GLCE: variants seen among roughly 807,000 people sequenced by gnomAD.
GLCE encodes glucuronic acid epimerase, also known as D-glucuronyl C5-epimerase.
In GLCE, 19 loss-of-function variants were observed where a neutral mutation model predicts 47.9. The ratio of observed to expected loss-of-function variants is 0.40; its 90% CI spans 0.28 to 0.58. The LOEUF is 0.58. Among genes scored for constraint, GLCE ranks in the 20% least tolerant of loss-of-function variants. GLCE has a pLI of 0.48. For missense variants in GLCE, 556 were observed against 743.3 expected (o/e 0.75, Z 2.93); for synonymous variants, 245 against 263.4 (o/e 0.93, Z 0.68).
At chr15:69,254,252 TATAACTATCC>T (rs1291393966) in intron 2 of GLCE, among the ~76,000 whole-genome samples, 2 of 152,214 alleles carry the variant, frequency 1.3e-5, no homozygotes, top group African/African-American at 2.4e-5. Flanking sequence ...ACATTATATG[TATAACTATCC>T]ATAATTTCCC....
intron 1 of GLCE, among the ~76,000 whole-genome samples, chr15:69,168,311 C>T (rs2051535671): frequency 6.6e-6 from 1 of 151,996 alleles, no homozygotes; most frequent in Non-Finnish European, 1.5e-5. Context: ...AACATAAGAC[C>T]CTCCAGGATA....
chr15:69,216,720 T>C (rs1347128778), intron 2 of GLCE, among the ~76,000 whole-genome samples: 2 of 152,098 alleles, frequency 1.3e-5, no homozygotes, highest in Non-Finnish European at 2.9e-5. Flanking sequence ...TTTACTATAT[T>C]ACACAAAATA....
chr15:69,229,354 A>G (rs1295652726), intron 2 of GLCE, among the ~76,000 whole-genome samples: 1 of 152,222 alleles, frequency 6.6e-6, no homozygotes, highest in Non-Finnish European at 1.5e-5. Flanking sequence ...TGAGCCCACA[A>G]TGTTTCCAGG....
intron 2 of GLCE, among the ~76,000 whole-genome samples, chr15:69,245,782 G>A (rs930763418): frequency 6.6e-6 from 1 of 152,106 alleles, no homozygotes; most frequent in African/African-American, 2.4e-5. Flanking sequence ...AGGCTGGAGT[G>A]CAGGGGCACC....
At chr15:69,220,565 A>T (rs752329118) in intron 2 of GLCE, among the ~76,000 whole-genome samples, 12 of 152,054 alleles carry the variant, frequency 7.9e-5, no homozygotes, top group Non-Finnish European at 1.3e-4. Flanking sequence ...TTTCTTGGCC[A>T]ATTATGTGTA....
intron 2 of GLCE, among the ~76,000 whole-genome samples, chr15:69,244,502 C>G (rs2140423212): frequency 6.6e-6 from 1 of 152,168 alleles, no homozygotes; most frequent in South Asian, 2.1e-4. Flanking sequence ...GTCTAGTAAC[C>G]TGTTATAAGT....
chr15:69,174,550 C>T (rs1219485143), intron 1 of GLCE, among the ~76,000 whole-genome samples: 1 of 152,182 alleles, frequency 6.6e-6, no homozygotes, highest in Non-Finnish European at 1.5e-5. Flanking sequence ...GTAGAGGTTG[C>T]ATTGCGCTGA....
intron 1 of GLCE, among the ~76,000 whole-genome samples, chr15:69,208,476 A>G (rs948789427): frequency 6.6e-6 from 1 of 151,764 alleles, no homozygotes; most frequent in Non-Finnish European, 1.5e-5. Flanking sequence ...TGAACACTCT[A>G]TTCTTTTCCA....
intron 2 of GLCE, among the ~76,000 whole-genome samples, chr15:69,216,174 T>G (rs2052304766): frequency 1.3e-5 from 2 of 152,138 alleles, no homozygotes; most frequent in Admixed American, 1.3e-4. Flanking sequence ...TGAAAAAACA[T>G]GTAAAACAAG....
chr15:69,178,181 T>C (rs964615216), intron 1 of GLCE, among the ~76,000 whole-genome samples: 3 of 152,198 alleles, frequency 2.0e-5, no homozygotes, highest in African/African-American at 7.2e-5. Context: ...CATAAAGGGC[T>C]AATTTTCTTA....
chr15:69,253,580 A>G (rs1046136373), intron 2 of GLCE, among the ~76,000 whole-genome samples: 1 of 152,252 alleles, frequency 6.6e-6, no homozygotes, highest in African/African-American at 2.4e-5. Flanking sequence ...AGTAAAACTA[A>G]TAAGAAAGAA....
chr15:69,225,172 C>CTTTT (rs35793132), intron 2 of GLCE, among the ~76,000 whole-genome samples: 1 of 148,772 alleles, frequency 6.7e-6, no homozygotes, highest in Non-Finnish European at 1.5e-5. Context: ...TATTTTAAAG[C>CTTTT]TTTTTTTTTT....
At chr15:69,188,232 A>T (rs2051857845) in intron 1 of GLCE, among the ~76,000 whole-genome samples, 1 of 152,200 alleles carries the variant, frequency 6.6e-6, no homozygotes, top group South Asian at 2.1e-4. Flanking sequence ...ACTCCGTCTC[A>T]AAACAAAAAC....
At chr15:69,161,796 G>C (rs1456242244) in intron 1 of GLCE, among the ~76,000 whole-genome samples, 2 of 152,180 alleles carry the variant, frequency 1.3e-5, no homozygotes, top group Non-Finnish European at 2.9e-5. Context: ...CCGGGAGCTA[G>C]AGTGGCAGCA....
chr15:69,215,739 CAT>C (rs2052298282), intron 2 of GLCE, among the ~76,000 whole-genome samples: 1 of 152,164 alleles, frequency 6.6e-6, no homozygotes, highest in South Asian at 2.1e-4. Flanking sequence ...TGCTGTTCTG[CAT>C]CCTTGTCAGC....
intron 1 of GLCE, among the ~76,000 whole-genome samples, chr15:69,199,375 CA>C (rs1339610592): frequency 6.6e-6 from 1 of 151,990 alleles, no homozygotes; most frequent in East Asian, 1.9e-4. Context: ...CATGGATGAG[CA>C]TAAGGATATA....
intron 1 of GLCE, among the ~76,000 whole-genome samples, chr15:69,207,648 AC>A (rs1443769257): frequency 4.4e-4 from 67 of 152,136 alleles, no homozygotes; most frequent in African/African-American, 1.5e-3. Flanking sequence ...TTATCCATTC[AC>A]CCGGACATTT....
At chr15:69,241,996 C>G (rs2140419586) in intron 2 of GLCE, among the ~76,000 whole-genome samples, 1 of 152,194 alleles carries the variant, frequency 6.6e-6, no homozygotes, top group Non-Finnish European at 1.5e-5. Flanking sequence ...AATTTCTGAG[C>G]CTTAGTATTT....
chr15:69,271,752 A>T lies in GLCE; in HGVS notation c.*2508A>T, dbSNP rs1171666251. 1 of 152,578 alleles carries T rather than the reference A, an allele frequency of 6.6e-6. No individual in the cohort carries two copies. The highest frequency in any genetic ancestry group is 1.5e-5 in the Non-Finnish European group (1 of 68,046). 9.5% of individuals were successfully genotyped at this position (152,578 alleles called of 1,614,324 possible). On this transcript the variant is annotated 3_prime_UTR_variant, in exon 5 of 5. Coordinates refer to ENST00000261858, the MANE Select transcript of GLCE (RefSeq NM_015554.3). ...AAACCAGCCAAAAGTTTCTGGATGA[A>T]GGTCAAGTTTGACCTTTTAGGAGTT...
Sources: gnomAD v4.1 joint callset for allele counts (sites outside exome capture counted in the v4.1 genomes callset) on GRCh38, gnomAD v4.1.1 for gene constraint, MANE v1.5 for transcripts, NCBI Gene and HGNC (gene_info 2026-07-23, HGNC 2026-07-21) for gene names.